IL7: variants seen among roughly 807,000 people sequenced by gnomAD.
IL7 encodes interleukin-7.
IL7 carries 3 observed loss-of-function variants against 21.6 expected under a neutral mutation model. The ratio of observed to expected loss-of-function variants is 0.14; its 90% CI spans 0.06 to 0.36. IL7 has a LOEUF of 0.36. Ranked by LOEUF, IL7 falls within the 10% of genes least tolerant of loss-of-function variation. IL7 has a pLI of 1.00. For synonymous variants in IL7, 62 were observed against 68.1 expected, an observed-to-expected ratio of 0.91 and a Z score of 0.44; for missense variants, 175 against 200.2, an observed-to-expected ratio of 0.87 and a Z score of 0.76.
At chr8:78,783,751 T>A (rs114844596) in intron 2 of IL7, among the ~76,000 whole-genome samples, 1 of 152,206 alleles carries the variant, frequency 6.6e-6, no homozygotes, top group African/African-American at 2.4e-5. Flanking sequence ...ATTTGAGAGA[T>A]GAAGTATGAG....
At chr8:78,675,075 C>CT (rs530185074), downstream of IL7, among the ~76,000 whole-genome samples, 879 of 149,908 alleles carry the variant, frequency 5.9e-3, 6 homozygotes, top group African/African-American at 0.02. Flanking sequence ...TTTGTAGTTT[C>CT]TTTTTTTTTC....
At chr8:78,689,977 T>C (rs1336727531) in intron 3 of IL7, among the ~76,000 whole-genome samples, 1 of 152,234 alleles carries the variant, frequency 6.6e-6, no homozygotes, top group Non-Finnish European at 1.5e-5. Flanking sequence ...TATTTGTGTA[T>C]AGTGTGAAGT....
chr8:78,699,649 G>C lies in IL7; in HGVS notation n.215-13702C>G, dbSNP rs143868247. 2.0e-5 allele frequency among the ~76,000 whole-genome samples: 3 copies of C among 152,052 alleles called. No homozygotes were observed. The East Asian group carries it at 5.8e-4, about 29-fold the overall frequency. On this transcript the variant is annotated intron_variant and non_coding_transcript_variant, in intron 3 of 4. Transcript: ENST00000523959. ...TCCACCCTCCAAAAGACTCCAGTAC[G>C]TGTTGTTCCCCTCTATGTGTCCATG...
At chr8:78,706,496 C>T (rs759163575) in intron 3 of IL7, among the ~76,000 whole-genome samples, 6 of 152,054 alleles carry the variant, frequency 3.9e-5, no homozygotes, top group Admixed American at 6.6e-5. Context: ...TGCAAAGATC[C>T]GTTGGAGAAG....
At chr8:78,728,350 C>T (rs1202015408), downstream of IL7, among the ~76,000 whole-genome samples, 1 of 151,870 alleles carries the variant, frequency 6.6e-6, no homozygotes, top group Non-Finnish European at 1.5e-5. Flanking sequence ...AACTGGAGGA[C>T]TCAAATGACC....
chr8:78,698,223 G>T (rs1371898986), intron 3 of IL7, among the ~76,000 whole-genome samples: 1 of 152,100 alleles, frequency 6.6e-6, no homozygotes, highest in Non-Finnish European at 1.5e-5. Context: ...TTATAAGAGG[G>T]ACATTTAGAA....
intron 3 of IL7, among the ~76,000 whole-genome samples, chr8:78,688,006 G>A (rs1022867940): frequency 6.8e-6 from 1 of 146,462 alleles, no homozygotes; most frequent in Non-Finnish European, 1.5e-5. Flanking sequence ...AATATAAAAT[G>A]AGCATGGCTG....
intron 3 of IL7, among the ~76,000 whole-genome samples, chr8:78,690,317 T>C (rs781407977): frequency 1.3e-5 from 2 of 152,176 alleles, no homozygotes; most frequent in Non-Finnish European, 2.9e-5. Context: ...CCCAGCACTT[T>C]GGGAGGCCAA....
At chr8:78,678,045 C>T (rs1177432380) in intron 4 of IL7, among the ~76,000 whole-genome samples, 1 of 152,074 alleles carries the variant, frequency 6.6e-6, no homozygotes, top group East Asian at 1.9e-4. Context: ...GTGAGAATGA[C>T]CAGAGGTCAC....
chr8:78,735,336 G>A (rs1292545765), intron 5 of IL7, among the ~76,000 whole-genome samples: 1 of 120,114 alleles, frequency 8.3e-6, no homozygotes, highest in African/African-American at 3.3e-5. Flanking sequence ...GTTTTGAGAC[G>A]GAGTCCCACT....
chr8:78,792,899 T>C (rs116600651), intron 2 of IL7, among the ~76,000 whole-genome samples: 1,641 of 152,138 alleles, frequency 0.011, 30 homozygotes, highest in African/African-American at 0.03. Flanking sequence ...GACCATATAA[T>C]CCAACAATTT....
At chr8:78,763,143 A>C (rs1461915210) in intron 2 of IL7, among the ~76,000 whole-genome samples, 1 of 152,244 alleles carries the variant, frequency 6.6e-6, no homozygotes, top group African/African-American at 2.4e-5. Context: ...AAGCACTGTC[A>C]GTGGTGAGTA....
intron 2 of IL7, among the ~76,000 whole-genome samples, chr8:78,789,929 C>T (rs755090189): frequency 2.0e-5 from 3 of 152,026 alleles, no homozygotes; most frequent in Non-Finnish European, 4.4e-5. Context: ...GACTATTATG[C>T]ATGAGGTGCC....
downstream of IL7, among the ~76,000 whole-genome samples, chr8:78,730,323 G>A (rs995149480): frequency 1.3e-5 from 2 of 151,880 alleles, no homozygotes; most frequent in African/African-American, 4.8e-5. Flanking sequence ...ATGACTGCAT[G>A]TATTTTTATA....
At chr8:78,761,911 G>A (rs1328557980) in intron 2 of IL7, 69 of 1,611,280 alleles carry the variant, frequency 4.3e-5, no homozygotes, top group African/African-American at 1.3e-5. Context: ...TCAGAATCAA[G>A]ATTTCAAGTA....
chr8:78,781,684 T>A (rs1000908880), intron 2 of IL7, among the ~76,000 whole-genome samples: 1 of 152,108 alleles, frequency 6.6e-6, no homozygotes, highest in Non-Finnish European at 1.5e-5. Context: ...GAGAATCTGA[T>A]GATCATGTGT....
At chr8:78,707,238 T>A (rs999539663) in intron 3 of IL7, among the ~76,000 whole-genome samples, 1 of 152,248 alleles carries the variant, frequency 6.6e-6, no homozygotes, top group Non-Finnish European at 1.5e-5. Context: ...AAGCTGATAT[T>A]TTTCAGTATT....
At position 78,733,637 on chromosome 8, in the gene IL7, G is replaced by T; in HGVS notation, c.*76C>A. The T allele has an allele frequency of 6.7e-7, 1 of 1,500,032 alleles. No homozygotes were observed. The highest frequency in any genetic ancestry group is 1.3e-5 in the South Asian group (1 of 79,416). The allele number at this position is 1,500,032 out of a possible 1,614,324, so 92.9% of individuals were successfully genotyped here. On this transcript the variant is annotated 3_prime_UTR_variant, in exon 6 of 6. Coordinates refer to ENST00000263851, the MANE Select transcript of IL7 (RefSeq NM_000880.4). ...TAACTTCTAGGAAGCATTCCACTCT[G>T]AAAAACTGCATAAGCAGATAGATTC...
At chr8:78,776,795 C>T (rs1260993999) in intron 2 of IL7, among the ~76,000 whole-genome samples, 2 of 151,220 alleles carry the variant, frequency 1.3e-5, no homozygotes, top group African/African-American at 2.4e-5. Context: ...AATAAGGAAA[C>T]TAAGGCACAG....
Sources: allele counts gnomAD v4.1 joint callset (sites outside exome capture counted in the v4.1 genomes callset), GRCh38; gene constraint gnomAD v4.1.1; transcripts MANE v1.5; gene names NCBI Gene and HGNC (gene_info 2026-07-23, HGNC 2026-07-21).